SH3RF2: variants seen among roughly 807,000 people sequenced by gnomAD.
SH3RF2 encodes E3 ubiquitin-protein ligase SH3RF2.
SH3RF2 carries 43 observed loss-of-function variants against 59.0 expected under a neutral mutation model. The observed-to-expected ratio is 0.73, with a 90% CI of 0.57 to 0.94. The LOEUF (loss-of-function observed/expected upper bound fraction) is 0.94, where lower values mean the gene tolerates loss of function less well. Among genes scored for constraint, SH3RF2 ranks in the 40% least tolerant of loss-of-function variants. SH3RF2 has a pLI of 0.00. For synonymous variants in SH3RF2, 391 were observed against 391.5 expected, an observed-to-expected ratio of 1.00 and a Z score of 0.01; for missense variants, 930 against 940.1, an observed-to-expected ratio of 0.99 and a Z score of 0.14.
chr5:145,962,604 CT>C (rs1301831118), intron 2 of SH3RF2, among the ~76,000 whole-genome samples: 1 of 152,146 alleles, frequency 6.6e-6, no homozygotes, highest in Non-Finnish European at 1.5e-5. Flanking sequence ...CAGGACTTCC[CT>C]GGCACCTACC....
chr5:145,962,724 G>A (rs900506218), intron 2 of SH3RF2, among the ~76,000 whole-genome samples: 1 of 151,920 alleles, frequency 6.6e-6, no homozygotes, highest in African/African-American at 2.4e-5. Flanking sequence ...AGAGAGTAAG[G>A]GAGCAAGAGA....
intron 2 of SH3RF2, among the ~76,000 whole-genome samples, chr5:145,993,827 T>A (rs969332482): frequency 7.2e-5 from 11 of 152,040 alleles, no homozygotes; most frequent in Non-Finnish European, 1.6e-4. Context: ...ACCACCCCCC[T>A]GTCGTCTTGG....
At chr5:146,064,664 GAGA>G (rs1763013958), downstream of SH3RF2, among the ~76,000 whole-genome samples, 55 of 4,250 alleles carry the variant, frequency 0.013, 9 homozygotes, top group African/African-American at 0.023. Context: ...GAGAGAGAAA[GAGA>G]AAGAAAGAAA....
intron 2 of SH3RF2, among the ~76,000 whole-genome samples, chr5:145,938,582 T>A (rs1757692544): frequency 6.6e-6 from 1 of 152,172 alleles, no homozygotes. Flanking sequence ...CCTTTTAGAT[T>A]ATATTTTTGG....
At chr5:146,025,519 TG>T (rs1160265924) in intron 5 of SH3RF2, among the ~76,000 whole-genome samples, 1 of 152,354 alleles carries the variant, frequency 6.6e-6, no homozygotes, top group African/African-American at 2.4e-5. Flanking sequence ...AAGATTGATG[TG>T]GGGTTGAATG....
At chr5:146,033,828 A>G (rs1761831536) in intron 5 of SH3RF2, among the ~76,000 whole-genome samples, 2 of 152,242 alleles carry the variant, frequency 1.3e-5, no homozygotes, top group South Asian at 4.1e-4. Flanking sequence ...AAAGACGCTG[A>G]GTTAGGGAAT....
At chr5:145,949,352 C>T (rs902896488) in intron 2 of SH3RF2, among the ~76,000 whole-genome samples, 2 of 152,108 alleles carry the variant, frequency 1.3e-5, no homozygotes, top group South Asian at 2.1e-4. Flanking sequence ...GTTGCCAAGG[C>T]GATACGGCAG....
chr5:145,968,202 CT>C (rs1281480520), intron 2 of SH3RF2, among the ~76,000 whole-genome samples: 1 of 152,186 alleles, frequency 6.6e-6, no homozygotes, highest in African/African-American at 2.4e-5. Context: ...AATAATGTCA[CT>C]GTGAAATACT....
chr5:146,032,189 G>A (rs531541487), intron 5 of SH3RF2, among the ~76,000 whole-genome samples: 1 of 152,316 alleles, frequency 6.6e-6, no homozygotes, highest in East Asian at 1.9e-4. Context: ...AGGACAGAAT[G>A]AGGCACATGG....
chr5:145,940,055 G>T (rs1757757138), intron 2 of SH3RF2, among the ~76,000 whole-genome samples: 1 of 152,208 alleles, frequency 6.6e-6, no homozygotes, highest in Non-Finnish European at 1.5e-5. Context: ...ACAGGGAATT[G>T]AGGTGAGAGC....
rs1762408802 is a variant in SH3RF2 at position 146,049,212 on chromosome 5, TC to T, written c.1290del (p.Phe431SerfsTer61). On this transcript the variant is annotated frameshift_variant, in exon 7 of 10. Transcript: ENST00000359120. LOFTEE classifies it high-confidence loss of function. ...GVSLVTGRVGIFPNNYVIPIF... is the reference protein window; with the variant it reads ...GVSLVTGRVGXFPNNYVIPIF... ...TCCTTGGTCACCGGGCGAGTCGGCA[TC>T]TTCCCAAACAATTACGTCATCCCCA... The T allele has an allele frequency of 2.5e-6, 4 of 1,613,562 alleles. No individual in the cohort carries two copies. In the South Asian group the frequency reaches 4.4e-5, roughly 18 times the overall value.
chr5:145,962,537 CTT>C (rs1183066212), intron 2 of SH3RF2, among the ~76,000 whole-genome samples: 3 of 152,204 alleles, frequency 2.0e-5, no homozygotes, highest in Non-Finnish European at 2.9e-5. Context: ...AATGCTGCCT[CTT>C]TGGAAAATCT....
chr5:145,942,737 C>T (rs1757864775), intron 2 of SH3RF2, among the ~76,000 whole-genome samples: 2 of 152,134 alleles, frequency 1.3e-5, no homozygotes, highest in Non-Finnish European at 2.9e-5. Flanking sequence ...GTCAAGAGAC[C>T]CAGATGGTTC....
chr5:146,012,637 G>C (rs367611454), intron 4 of SH3RF2, among the ~76,000 whole-genome samples: 1 of 152,116 alleles, frequency 6.6e-6, no homozygotes, highest in Non-Finnish European at 1.5e-5. Flanking sequence ...AGGGCAACTG[G>C]TAACAATTAT....
intron 2 of SH3RF2, among the ~76,000 whole-genome samples, chr5:145,948,104 A>T (rs564431271): frequency 1.3e-5 from 2 of 152,338 alleles, no homozygotes; most frequent in South Asian, 4.1e-4. Context: ...TGTGTCATTC[A>T]CTGGGCTCTA....
chr5:145,974,339 A>T (rs1759203144), intron 2 of SH3RF2, among the ~76,000 whole-genome samples: 1 of 152,186 alleles, frequency 6.6e-6, no homozygotes, highest in Admixed American at 6.5e-5. Flanking sequence ...ATTAGAAACA[A>T]GCCACAGATC....
intron 5 of SH3RF2, among the ~76,000 whole-genome samples, chr5:146,018,497 TATAG>T (rs1417941129): frequency 6.6e-6 from 1 of 151,640 alleles, no homozygotes; most frequent in African/African-American, 2.4e-5. Flanking sequence ...TATATCTATA[TATAG>T]ATATATACAC....
At chr5:146,080,843 G>T (rs1436150123) in exon 10 of SH3RF2, 1 of 152,244 alleles carries the variant, frequency 6.6e-6, no homozygotes, top group East Asian at 1.9e-4. Flanking sequence ...CTGTCGCCCA[G>T]GCTGGAGTGC....
chr5:146,028,209 C>CACACACACACAG (rs1491332228), intron 5 of SH3RF2, among the ~76,000 whole-genome samples: 103 of 129,064 alleles, frequency 8.0e-4, no homozygotes, highest in African/African-American at 2.8e-3. Flanking sequence ...CACACACACA[C>CACACACACACAG]AGAGATAATT....
Sources: gnomAD v4.1 joint callset for allele counts (sites outside exome capture counted in the v4.1 genomes callset) on GRCh38, gnomAD v4.1.1 for gene constraint, MANE v1.5 for transcripts, NCBI Gene and HGNC (gene_info 2026-07-23, HGNC 2026-07-21) for gene names.